The following DCHS2 variants were observed in gnomAD, a reference collection of about 807,000 sequenced individuals.
The protein encoded by DCHS2 is protocadherin-23.
Under a neutral mutation model 182.4 loss-of-function variants are expected in DCHS2, and 142 were observed. That is an observed-to-expected ratio of 0.78 (90% CI 0.68 to 0.89). DCHS2 has a LOEUF of 0.89. Ranked by LOEUF, DCHS2 falls within the 40% of genes least tolerant of loss-of-function variation. The pLI is 0.00. For missense variants in DCHS2, 4,319 were observed against 4,198.6 expected, an observed-to-expected ratio of 1.03 and a Z score of -0.79; for synonymous variants, 1,740 against 1,663.3, an observed-to-expected ratio of 1.05 and a Z score of -1.12.
intron 1 of DCHS2, among the ~76,000 whole-genome samples, chr4:154,466,687 C>T (rs1173283503): frequency 6.6e-6 from 1 of 152,150 alleles, no homozygotes; most frequent in Non-Finnish European, 1.5e-5. Flanking sequence ...AAAAGCTGAA[C>T]TATTTTTTGC....
intron 1 of DCHS2, among the ~76,000 whole-genome samples, chr4:154,406,426 G>A (rs1732403922): frequency 6.6e-6 from 1 of 152,202 alleles, no homozygotes; most frequent in Non-Finnish European, 1.5e-5. Context: ...AAGAATCCCA[G>A]TCCTGCTCTG....
At chr4:154,433,395 CT>C (rs61553613) in intron 1 of DCHS2, among the ~76,000 whole-genome samples, 267 of 103,868 alleles carry the variant, frequency 2.6e-3, no homozygotes, top group African/African-American at 6.1e-3. Flanking sequence ...TTTTTTTTTC[CT>C]TTTTTTTTTT....
At chr4:154,470,742 T>C (rs563498777) in intron 1 of DCHS2, among the ~76,000 whole-genome samples, 2 of 152,342 alleles carry the variant, frequency 1.3e-5, no homozygotes, top group African/African-American at 4.8e-5. Context: ...AGATTTATCA[T>C]AAATTTATGT....
intron 1 of DCHS2, among the ~76,000 whole-genome samples, chr4:154,424,865 G>C (rs919583844): frequency 2.6e-5 from 4 of 152,300 alleles, no homozygotes; most frequent in South Asian, 4.1e-4. Flanking sequence ...ATGGCAGCTG[G>C]AAGTCTCCAG....
At chr4:154,423,778 A>T (rs912997154) in intron 1 of DCHS2, among the ~76,000 whole-genome samples, 18 of 152,220 alleles carry the variant, frequency 1.2e-4, no homozygotes, top group African/African-American at 3.9e-4. Context: ...ATATACTTAT[A>T]CATACTTATA....
At chr4:154,258,177 G>C (rs1732793099) in intron 15 of DCHS2, among the ~76,000 whole-genome samples, 1 of 152,128 alleles carries the variant, frequency 6.6e-6, no homozygotes, top group African/African-American at 2.4e-5. Flanking sequence ...GAACAGGCTG[G>C]TGACTAGAGC....
In DCHS2 at chr4:154,356,319, C is replaced by A. The variant is rs1463999476; in HGVS notation, c.2476+9891G>T. Among the ~76,000 whole-genome samples, 10 of 151,986 alleles carry A rather than the reference C, an allele frequency of 6.6e-5. No individual in the cohort carries two copies. In the East Asian group the frequency reaches 1.9e-3, roughly 29 times the overall value. ...CTATACAATGTGTTTGTCTTTCAAG[C>A]TAAGTGTTACTACAAAAAGTCAAAA... On this transcript the variant is annotated intron_variant, in intron 3 of 19. Coordinates refer to ENST00000357232, the MANE Select transcript of DCHS2 (RefSeq NM_001358235.2).
chr4:154,281,698 T>C (rs1169774737), intron 13 of DCHS2, among the ~76,000 whole-genome samples: 1 of 152,130 alleles, frequency 6.6e-6, no homozygotes, highest in East Asian at 1.9e-4. Context: ...AAATATGGAA[T>C]GTCAAAGGAC....
In DCHS2 at chr4:154,332,811, A is replaced by T; in HGVS notation, c.3397T>A (p.Phe1133Ile). 1 of 1,614,218 alleles carries T rather than the reference A, an allele frequency of 6.2e-7. No individual in the cohort carries two copies. Among genetic ancestry groups the T allele is most frequent in the Non-Finnish European group, 8.5e-7 (1 of 1,180,034 alleles). Residue 1133 changes from phenylalanine to isoleucine, a missense_variant, in exon 5 of 20, where the codon TTT (phenylalanine) becomes ATT (isoleucine). Phe to Ile is a conservative substitution (Grantham distance 21, BLOSUM62 0). Coordinates refer to ENST00000357232, the MANE Select transcript of DCHS2 (RefSeq NM_001358235.2). Reference sequence around the variant, plus strand: ...CAGCCCGTGTAAGGGCGGATTCCAAACATAGCAGAGTCTACGCTGGGTTCC... The same window carrying T: ...CAGCCCGTGTAAGGGCGGATTCCAATCATAGCAGAGTCTACGCTGGGTTCC... The part of the protein sequence containing the change: ...SLEPSVDSAM[F>I]GIRPYTGWIY...
At position 154,255,095 on chromosome 4, in the gene DCHS2, G is replaced by A. The variant is rs184893898; in HGVS notation, c.6941+424C>T. The stretch of plus-strand genomic sequence containing the variant: ...ACTGCAACAGGACCTTCAAGACAGC[G>A]TTGTACTTTCATATGCAAGAATAAA... On this transcript the variant is annotated intron_variant, in intron 16 of 19. Transcript: ENST00000357232. 2.1e-3 allele frequency among the ~76,000 whole-genome samples: 322 copies of A among 152,222 alleles called. 1 individual carries two copies. Among genetic ancestry groups the A allele is most frequent in the African/African-American group, 7.4e-3 (306 of 41,528 alleles).
chr4:154,286,569 T>G (rs1452838375), intron 13 of DCHS2, among the ~76,000 whole-genome samples: 8 of 151,736 alleles, frequency 5.3e-5, no homozygotes, highest in Admixed American at 5.3e-4. Flanking sequence ...TTGACATACT[T>G]AAGAATGCAT....
At chr4:154,331,520 C>A (rs1298167085) in intron 5 of DCHS2, 5 of 1,529,656 alleles carry the variant, frequency 3.3e-6, no homozygotes, top group Non-Finnish European at 4.4e-6. Flanking sequence ...GGAAAGGCAG[C>A]TTGCAACCTT....
intron 3 of DCHS2, among the ~76,000 whole-genome samples, chr4:154,348,564 T>G (rs1729463186): frequency 6.6e-6 from 1 of 151,920 alleles, no homozygotes; most frequent in Non-Finnish European, 1.5e-5. Context: ...GAGGAAATTA[T>G]CCTGGTTTTA....
rs55810732 is a variant in DCHS2, at chr4:154,489,515, G to A, written c.1841C>T (p.Ala614Val). The change falls in exon 1 of 20, where the codon GCG becomes GTG. Residue 614 changes from alanine (A) to valine (V), a missense_variant. Coordinates refer to ENST00000357232, the MANE Select transcript of DCHS2 (RefSeq NM_001358235.2). ...GTCTAGAGTCCGGATAGTGCTGATC[G>A]CACCGCTTTCGGAATCAATGGCAAA... Reference protein sequence around the residue: ...PSFAIDSESGAISTIRTLDRE... With the variant: ...PSFAIDSESGVISTIRTLDRE... 287,816 of 1,551,224 alleles carry A rather than the reference G, an allele frequency of 0.19. 28,625 individuals carry two copies. The highest frequency in any genetic ancestry group is 0.32 in the Admixed American group (16,463 of 50,966).
At chr4:154,257,025 G>A (rs1184834012) in intron 15 of DCHS2, among the ~76,000 whole-genome samples, 1 of 152,108 alleles carries the variant, frequency 6.6e-6, no homozygotes, top group Admixed American at 6.5e-5. Flanking sequence ...CAAGGCGGGT[G>A]GATTACGAGG....
At position 154,235,723 on chromosome 4, in the gene DCHS2, T is replaced by G. The variant is rs61746101; in HGVS notation, c.8929A>C (p.Asn2977His). Residue 2977 changes from asparagine (N) to histidine (H), a missense_variant, in exon 20 of 20, where the codon AAT (asparagine) becomes CAT (histidine). Physicochemically the swap from Asn to His is moderately conservative, Grantham distance 68 (BLOSUM62 1). Transcript: ENST00000357232. ...SKFASCTVFV[N>H]VSFSSEGTPL... Reference sequence around the variant, plus strand: ...GTTCCTTCAGAGGAGAAAGACACATTCACAAAAACAGTGCAAGATGCAAAC... The same window carrying G: ...GTTCCTTCAGAGGAGAAAGACACATGCACAAAAACAGTGCAAGATGCAAAC... The G allele has an allele frequency of 7.6e-3, 12,258 of 1,613,842 alleles. 691 individuals are homozygous for G. The African/African-American group carries it at 0.13, about 18-fold the overall frequency.
intron 3 of DCHS2, among the ~76,000 whole-genome samples, chr4:154,364,915 T>A (rs1361397270): frequency 6.6e-6 from 1 of 152,202 alleles, no homozygotes; most frequent in Non-Finnish European, 1.5e-5. Flanking sequence ...AAATTCTTTT[T>A]TTTTTCTTTT....
At chr4:154,426,600 A>G (rs1160652414) in intron 1 of DCHS2, among the ~76,000 whole-genome samples, 1 of 152,136 alleles carries the variant, frequency 6.6e-6, no homozygotes, top group Non-Finnish European at 1.5e-5. Flanking sequence ...ATTTGACAGC[A>G]CAACTGGGTG....
chr4:154,466,927 G>A (rs1233062870), intron 1 of DCHS2, among the ~76,000 whole-genome samples: 1 of 151,934 alleles, frequency 6.6e-6, no homozygotes, highest in Non-Finnish European at 1.5e-5. Flanking sequence ...GTAATACTTG[G>A]TCAACAAGGT....
Sources: gnomAD v4.1 joint callset for allele counts (sites outside exome capture counted in the v4.1 genomes callset) on GRCh38, gnomAD v4.1.1 for gene constraint, MANE v1.5 for transcripts, NCBI Gene and HGNC (gene_info 2026-07-23, HGNC 2026-07-21) for gene names.